BCAR3: variants seen among roughly 807,000 people sequenced by gnomAD.
BCAR3 encodes the protein BCAR3 adaptor protein, NSP family member, also known as breast cancer anti-estrogen resistance protein 3.
A neutral mutation model predicts 80.1 loss-of-function variants in BCAR3; 37 were observed. The ratio of observed to expected loss-of-function variants is 0.46; its 90% CI spans 0.36 to 0.61. The LOEUF (loss-of-function observed/expected upper bound fraction) is 0.61, where lower values mean the gene tolerates loss of function less well. Ranked by LOEUF, BCAR3 falls within the 20% of genes least tolerant of loss-of-function variation. The pLI is 0.00. For missense variants in BCAR3, 978 were observed against 1,068.2 expected (o/e 0.92, Z 1.18); for synonymous variants, 389 against 418.9 (o/e 0.93, Z 0.87).
chr1:93,781,858 A>G (rs1238081193), intron 2 of BCAR3, among the ~76,000 whole-genome samples: 1 of 152,204 alleles, frequency 6.6e-6, no homozygotes, highest in Non-Finnish European at 1.5e-5. Context: ...AACTGTTCAG[A>G]TTAGGCACCT....
intron 9 of BCAR3, among the ~76,000 whole-genome samples, chr1:93,569,702 G>C (rs957306496): frequency 6.6e-6 from 1 of 152,166 alleles, no homozygotes; most frequent in African/African-American, 2.4e-5. Flanking sequence ...CTGGAGGACT[G>C]TGTCCTGTCA....
intron 3 of BCAR3, among the ~76,000 whole-genome samples, chr1:93,609,780 C>T (rs1014293943): frequency 2.6e-5 from 4 of 152,160 alleles, no homozygotes; most frequent in African/African-American, 4.8e-5. Context: ...GGGTACTCCA[C>T]GTCTCTACAC....
chr1:93,805,547 T>C (rs1263115865), intron 2 of BCAR3, among the ~76,000 whole-genome samples: 1 of 151,124 alleles, frequency 6.6e-6, no homozygotes, highest in Non-Finnish European at 1.5e-5. Flanking sequence ...AACATGGGAT[T>C]TGGAAGTCCA....
At chr1:93,671,126 G>A (rs897325334) in intron 2 of BCAR3, among the ~76,000 whole-genome samples, 1 of 152,068 alleles carries the variant, frequency 6.6e-6, no homozygotes. Flanking sequence ...CTAAGTAGCT[G>A]GGATTACAAG....
chr1:93,825,758 C>G (rs912482727), intron 2 of BCAR3, among the ~76,000 whole-genome samples: 1 of 152,174 alleles, frequency 6.6e-6, no homozygotes. Context: ...CCCGCAGCAG[C>G]AAAGAGGCTT....
intron 3 of BCAR3, among the ~76,000 whole-genome samples, chr1:93,614,912 G>A (rs1675062192): frequency 6.6e-6 from 1 of 152,020 alleles, no homozygotes; most frequent in Non-Finnish European, 1.5e-5. Flanking sequence ...TGCGACCTGA[G>A]GCCTCTACCC....
At chr1:93,691,665 G>A (rs1308666235) in intron 3 of BCAR3, among the ~76,000 whole-genome samples, 1 of 152,076 alleles carries the variant, frequency 6.6e-6, no homozygotes, top group African/African-American at 2.4e-5. Flanking sequence ...GAAGGGGCAG[G>A]CAGAGCCCAG....
intron 2 of BCAR3, among the ~76,000 whole-genome samples, chr1:93,667,042 T>C (rs1216702143): frequency 6.6e-6 from 1 of 152,198 alleles, no homozygotes; most frequent in Non-Finnish European, 1.5e-5. Flanking sequence ...TTGTATCTGA[T>C]CCTTAGAGTC....
intron 2 of BCAR3, among the ~76,000 whole-genome samples, chr1:93,840,715 T>G (rs570038073): frequency 6.6e-6 from 1 of 152,314 alleles, no homozygotes; most frequent in East Asian, 1.9e-4. Flanking sequence ...ATTTATGGAG[T>G]GTCCACTGTG....
intron 2 of BCAR3, among the ~76,000 whole-genome samples, chr1:93,816,579 G>A (rs1300125824): frequency 6.8e-6 from 1 of 146,944 alleles, no homozygotes; most frequent in Non-Finnish European, 1.5e-5. Flanking sequence ...GCTGAGGCAG[G>A]AGAATCGCTT....
rs537557572 is a variant in BCAR3, at chr1:93,597,684, T to C, written c.358-5291A>G. Among the ~76,000 whole-genome samples, 22 of 152,354 alleles carry C rather than the reference T, an allele frequency of 1.4e-4. No homozygotes were observed. In the East Asian group the frequency reaches 4.0e-3, roughly 28 times the overall value. ...TTGTCATAATAGACTCATATCAGGA[T>C]GCTACTAATCTGTTTCTATAAAATA... On this transcript the variant is annotated intron_variant, in intron 3 of 11. Coordinates refer to ENST00000260502, the MANE Select transcript of BCAR3 (RefSeq NM_003567.4).
At chr1:93,743,562 G>A (rs1651251019) in intron 2 of BCAR3, among the ~76,000 whole-genome samples, 1 of 152,114 alleles carries the variant, frequency 6.6e-6, no homozygotes, top group African/African-American at 2.4e-5. Context: ...TTAAAACATG[G>A]ACCTCAAGGG....
At chr1:93,670,391 C>T (rs115521342) in intron 2 of BCAR3, among the ~76,000 whole-genome samples, 3,627 of 152,284 alleles carry the variant, frequency 0.024, 141 homozygotes, top group African/African-American at 0.082. Context: ...GGCCTGCCTT[C>T]TGCCTGGCTC....
chr1:93,566,706 T>C (rs1672967032), intron 11 of BCAR3, among the ~76,000 whole-genome samples: 1 of 152,198 alleles, frequency 6.6e-6, no homozygotes, highest in Non-Finnish European at 1.5e-5. Flanking sequence ...TAATCTCACC[T>C]ATTAGAGGTA....
At chr1:93,767,323 G>C (rs1455191708) in intron 2 of BCAR3, among the ~76,000 whole-genome samples, 1 of 152,124 alleles carries the variant, frequency 6.6e-6, no homozygotes, top group East Asian at 1.9e-4. Context: ...AGGAGTTCCA[G>C]ACCAGTCTGG....
chr1:93,673,473 A>C (rs1011722642), intron 2 of BCAR3, among the ~76,000 whole-genome samples: 1 of 152,230 alleles, frequency 6.6e-6, no homozygotes, highest in Admixed American at 6.5e-5. Flanking sequence ...CCATATATAA[A>C]TATTGAACAA....
intron 2 of BCAR3, among the ~76,000 whole-genome samples, chr1:93,763,332 G>A (rs1652021863): frequency 6.6e-6 from 1 of 152,140 alleles, no homozygotes; most frequent in Non-Finnish European, 1.5e-5. Flanking sequence ...CCAAAGTGCT[G>A]GGATTATAGA....
chr1:93,764,629 T>A (rs1053696890), intron 2 of BCAR3, among the ~76,000 whole-genome samples: 6 of 152,100 alleles, frequency 3.9e-5, no homozygotes, highest in African/African-American at 1.4e-4. Context: ...CCCACATCGC[T>A]ACCAGGAGAC....
At chr1:93,740,623 T>A (rs916916060) in intron 2 of BCAR3, among the ~76,000 whole-genome samples, 2 of 152,098 alleles carry the variant, frequency 1.3e-5, no homozygotes, top group Non-Finnish European at 2.9e-5. Flanking sequence ...TCACCCCACA[T>A]GCTGGCCCCT....
Sources: allele counts gnomAD v4.1 joint callset (sites outside exome capture counted in the v4.1 genomes callset), GRCh38; gene constraint gnomAD v4.1.1; transcripts MANE v1.5; gene names NCBI Gene and HGNC (gene_info 2026-07-23, HGNC 2026-07-21).